CCDC192: variants seen among roughly 807,000 people sequenced by gnomAD.
CCDC192 encodes coiled-coil domain containing 192.
rs532841794 is a variant in CCDC192, at chr5:127,718,244, T to A, written c.114+10484T>A. Among the ~76,000 whole-genome samples the A allele has an allele frequency of 5.1e-4, 78 of 152,332 alleles. 1 individual carries two copies. The highest frequency in any genetic ancestry group is 5.0e-3 in the South Asian group (24 of 4,828). On this transcript the variant is annotated intron_variant, in intron 2 of 6. Coordinates refer to ENST00000514853, the MANE Select transcript of CCDC192 (RefSeq NM_001317938.2). ...TGCAAATGTGTTCTTTTAATTTTTT[T>A]AAATGTCAACAGACAAAGAAATTTA... is the stretch of plus-strand genomic sequence containing the variant.
chr5:127,800,900 T>C (rs1057306558), intron 5 of CCDC192, among the ~76,000 whole-genome samples: 1 of 152,150 alleles, frequency 6.6e-6, no homozygotes, highest in African/African-American at 2.4e-5. Flanking sequence ...TCTAGCTCTT[T>C]TTAATCGTCT....
At chr5:127,874,362 C>T (rs1050035429) in intron 5 of CCDC192, among the ~76,000 whole-genome samples, 5 of 152,170 alleles carry the variant, frequency 3.3e-5, no homozygotes, top group African/African-American at 1.2e-4. Flanking sequence ...TAGAAGATAA[C>T]CTGATCTGGG....
intron 2 of CCDC192, among the ~76,000 whole-genome samples, chr5:127,744,456 A>G (rs1753623076): frequency 6.6e-6 from 1 of 152,178 alleles, no homozygotes; most frequent in African/African-American, 2.4e-5. Context: ...TTACTGTACC[A>G]CTGAGCAGGG....
intron 3 of CCDC192, among the ~76,000 whole-genome samples, chr5:127,772,573 A>C (rs1446096951): frequency 1.3e-5 from 2 of 152,092 alleles, no homozygotes; most frequent in African/African-American, 4.8e-5. Context: ...CAGTAATTCC[A>C]AGCAATAAGC....
intron 6 of CCDC192, among the ~76,000 whole-genome samples, chr5:127,929,198 T>G (rs1753950303): frequency 6.6e-6 from 1 of 152,206 alleles, no homozygotes; most frequent in African/African-American, 2.4e-5. Context: ...ACAAAATAAA[T>G]GAACGACAAA....
chr5:127,927,423 G>A (rs1390326590), intron 6 of CCDC192, among the ~76,000 whole-genome samples: 1 of 152,022 alleles, frequency 6.6e-6, no homozygotes, highest in Non-Finnish European at 1.5e-5. Flanking sequence ...GCATCCACGG[G>A]GGGTCTTGGA....
intron 5 of CCDC192, among the ~76,000 whole-genome samples, chr5:127,831,699 AATTC>A (rs1239498608): frequency 6.6e-6 from 1 of 152,136 alleles, no homozygotes; most frequent in African/African-American, 2.4e-5. Context: ...AGCATATTCA[AATTC>A]ATTAATATAA....
chr5:127,704,707 A>G (rs1277745140), intron 1 of CCDC192, among the ~76,000 whole-genome samples: 1 of 152,182 alleles, frequency 6.6e-6, no homozygotes, highest in East Asian at 1.9e-4. Flanking sequence ...ATTAAAGCTA[A>G]TGAAATTTAG....
chr5:127,861,772 G>A lies in CCDC192; in HGVS notation c.412-13766G>A, dbSNP rs1751384193. On this transcript the variant is annotated intron_variant, in intron 5 of 6. Transcript: ENST00000514853. The stretch of plus-strand genomic sequence containing the variant: ...TTCATGTGTATGTAAACCCTGAGGT[G>A]ATTTAAAAAATCCCATTTGGCATTT... Among the ~76,000 whole-genome samples, 3 of 152,122 alleles carry A rather than the reference G, an allele frequency of 2.0e-5. No homozygotes were observed. The South Asian group carries it at 6.2e-4, about 32-fold the overall frequency.
intron 3 of CCDC192, among the ~76,000 whole-genome samples, chr5:127,767,687 C>T (rs561012752): frequency 6.6e-6 from 1 of 152,222 alleles, no homozygotes; most frequent in African/African-American, 2.4e-5. Flanking sequence ...TTAAAGGAAA[C>T]TTAGGAATCT....
intron 2 of CCDC192, among the ~76,000 whole-genome samples, chr5:127,712,473 T>A (rs1751393050): frequency 6.6e-6 from 1 of 152,228 alleles, no homozygotes; most frequent in Admixed American, 6.5e-5. Context: ...ATCTGCACAT[T>A]CCTGTTCCTT....
At chr5:127,728,524 T>C (rs181592958) in intron 2 of CCDC192, among the ~76,000 whole-genome samples, 7 of 152,170 alleles carry the variant, frequency 4.6e-5, no homozygotes, top group Non-Finnish European at 1.0e-4. Context: ...CAAATCCTGC[T>C]TTGCAGGAGC....
intron 2 of CCDC192, among the ~76,000 whole-genome samples, chr5:127,713,828 C>T (rs1751471354): frequency 6.6e-6 from 1 of 152,176 alleles, no homozygotes; most frequent in Non-Finnish European, 1.5e-5. Context: ...TCTATTACGT[C>T]AGACATTTAT....
chr5:127,716,752 C>G (rs918241346), intron 2 of CCDC192, among the ~76,000 whole-genome samples: 2 of 152,294 alleles, frequency 1.3e-5, no homozygotes, highest in African/African-American at 4.8e-5. Flanking sequence ...AACCTTCATT[C>G]AATGACTTCT....
chr5:127,815,236 C>T (rs960707210), intron 5 of CCDC192, among the ~76,000 whole-genome samples: 1 of 152,086 alleles, frequency 6.6e-6, no homozygotes, highest in East Asian at 1.9e-4. Context: ...TAGAAAGAGT[C>T]GATGGATATT....
At chr5:127,828,048 A>T (rs1220214216) in intron 5 of CCDC192, among the ~76,000 whole-genome samples, 1 of 152,172 alleles carries the variant, frequency 6.6e-6, no homozygotes, top group Non-Finnish European at 1.5e-5. Flanking sequence ...CTGGGATTAC[A>T]GGCACCTGCC....
chr5:127,834,119 A>G (rs1181766622), intron 5 of CCDC192, among the ~76,000 whole-genome samples: 1 of 152,138 alleles, frequency 6.6e-6, no homozygotes, highest in East Asian at 1.9e-4. Context: ...CTGCCCAAAT[A>G]ACAGAAGTTA....
At chr5:127,755,694 A>G (rs938194349) in intron 3 of CCDC192, among the ~76,000 whole-genome samples, 3 of 151,046 alleles carry the variant, frequency 2.0e-5, no homozygotes, top group Non-Finnish European at 4.4e-5. Context: ...AAAAAAAAAA[A>G]CTAAGAATTT....
intron 6 of CCDC192, among the ~76,000 whole-genome samples, chr5:127,939,633 G>T (rs1754312621): frequency 6.6e-6 from 1 of 151,720 alleles, no homozygotes; most frequent in South Asian, 2.1e-4. Context: ...TGATCCCTTG[G>T]GAATGTGATG....
Sources: gnomAD v4.1 joint callset for allele counts (sites outside exome capture counted in the v4.1 genomes callset) on GRCh38, gnomAD v4.1.1 for gene constraint, MANE v1.5 for transcripts, NCBI Gene and HGNC (gene_info 2026-07-23, HGNC 2026-07-21) for gene names.